Variants in ABCA6 observed in about 807,000 individuals in gnomAD.
ABCA6 encodes the protein ATP-binding cassette sub-family A member 6.
In ABCA6, 164 loss-of-function variants were observed where a neutral mutation model predicts 191.2. That is an observed-to-expected ratio of 0.86 (90% confidence interval 0.76 to 0.98). The LOEUF is 0.98. Among genes scored for constraint, ABCA6 ranks in the 50% least tolerant of loss-of-function variants. The probability of loss-of-function intolerance (pLI) is 0.00; values close to 1 mark genes in which losing one functional copy is unlikely to be tolerated. For missense variants in ABCA6, 1,958 were observed against 1,894.1 expected (o/e 1.03, Z -0.63); for synonymous variants, 636 against 647.7 (o/e 0.98, Z 0.27).
chr17:69,106,170 T>C lies in ABCA6; in HGVS notation c.2431A>G (p.Asn811Asp), dbSNP rs1228028330. The change falls in exon 19 of 39, where the codon AAT (asparagine) becomes GAT (aspartate). Residue 811 changes from asparagine (N) to aspartate (D), a missense_variant. Coordinates refer to ENST00000284425, the MANE Select transcript of ABCA6 (RefSeq NM_080284.3). The part of the protein sequence containing the change: ...VEMIRDSESL[N>D]EMELAHSSFS... ...GAAGAGTGAGCCAGCTCCATTTCATTGAGGCTTTCTGAGTCTCTTATCATC... is the reference window on the plus strand; with the variant it reads ...GAAGAGTGAGCCAGCTCCATTTCATCGAGGCTTTCTGAGTCTCTTATCATC... 1 of 1,613,552 alleles carries C rather than the reference T, an allele frequency of 6.2e-7. No homozygotes were observed. Among genetic ancestry groups the C allele is most frequent in the South Asian group, 1.1e-5 (1 of 90,958 alleles).
chr17:69,113,716 A>T lies in ABCA6; in HGVS notation c.1804T>A (p.Leu602Met). Residue 602 changes from leucine to methionine, a missense_variant, in exon 14 of 39, where the codon TTG becomes ATG. Transcript: ENST00000284425. Reference protein sequence around the residue: ...EQEVQRILLELDMQNIQDNLA... With the variant: ...EQEVQRILLEMDMQNIQDNLA... ...TTATCTTGAATGTTTTGCATGTCCA[A>T]TTCCAATAATATTCGTTGTACCTAT... is the stretch of plus-strand genomic sequence containing the variant. 6 of 1,612,398 alleles carry T rather than the reference A, an allele frequency of 3.7e-6. No homozygotes were observed. The highest frequency in any genetic ancestry group is 5.1e-6 in the Non-Finnish European group (6 of 1,178,986).
rs755237130 is a variant in ABCA6 at position 69,087,871 on chromosome 17, C to T, written c.3698+296G>A. 4.6e-5 allele frequency among the ~76,000 whole-genome samples: 7 copies of T among 152,282 alleles called. No individual in the cohort carries two copies. In the South Asian group the frequency reaches 6.2e-4, roughly 14 times the overall value. ...AAAACACTCAACTATGTTGCTAAAT[C>T]GATTCCTTCCCATCTTTTCTTTTCA... On this transcript the variant is annotated intron_variant, in intron 28 of 38. Coordinates refer to ENST00000284425, the MANE Select transcript of ABCA6 (RefSeq NM_080284.3).
intron 2 of ABCA6, among the ~76,000 whole-genome samples, chr17:69,139,331 A>C (rs2073994362): frequency 6.6e-6 from 1 of 152,194 alleles, no homozygotes; most frequent in South Asian, 2.1e-4. Context: ...ATGCAGCCAA[A>C]AGACACATGA....
At position 69,133,325 on chromosome 17, in the gene ABCA6, C is replaced by T. The variant is rs766094550; in HGVS notation, c.791+316G>A. 1.2e-4 allele frequency among the ~76,000 whole-genome samples: 19 copies of T among 152,292 alleles called. No homozygotes were observed. In the East Asian group the frequency reaches 1.7e-3, roughly 14 times the overall value. On this transcript the variant is annotated intron_variant, in intron 6 of 38. Coordinates refer to ENST00000284425, the MANE Select transcript of ABCA6 (RefSeq NM_080284.3). ...GGCACCTGGGTTAGAGTCTCAGCTC[C>T]GGCACTCACCCTCCATCTCACATTG...
At chr17:69,128,230 A>G (rs905118377) in intron 8 of ABCA6, among the ~76,000 whole-genome samples, 2 of 152,120 alleles carry the variant, frequency 1.3e-5, no homozygotes, top group Non-Finnish European at 2.9e-5. Context: ...CTGTTAAACT[A>G]TACTTGTGTT....
At chr17:69,122,476 G>A (rs8081118) in intron 10 of ABCA6, among the ~76,000 whole-genome samples, 30,124 of 151,888 alleles carry the variant, frequency 0.2, 5,895 homozygotes, top group African/African-American at 0.5. Flanking sequence ...GATATACCAA[G>A]TCTCATAACA....
At chr17:69,089,812 T>C (rs1045327273) in intron 26 of ABCA6, among the ~76,000 whole-genome samples, 29 of 152,072 alleles carry the variant, frequency 1.9e-4, no homozygotes, top group Admixed American at 1.4e-3. Flanking sequence ...AAAGCATATG[T>C]TATTACTGAA....
intron 7 of ABCA6, among the ~76,000 whole-genome samples, 171 bp from the exon 8 acceptor site, chr17:69,128,975 A>G (rs1200036900): frequency 6.6e-6 from 1 of 152,144 alleles, no homozygotes; most frequent in Non-Finnish European, 1.5e-5. Flanking sequence ...ACTTCTCTTG[A>G]AAAAGGATCC....
Position 69,096,767 on chromosome 17 carries a change from A to T in ABCA6, c.3155T>A (p.Leu1052His). 1.3e-6 allele frequency: 2 copies of T among 1,553,106 alleles called. No individual in the cohort carries two copies. Among genetic ancestry groups the T allele is most frequent in the South Asian group, 2.6e-5 (2 of 77,920 alleles). Residue 1052 changes from leucine (L) to histidine (H), a missense_variant, in exon 24 of 39, where the codon CTC becomes CAC. By Grantham distance (99) the Leu-to-His change is moderately conservative. Coordinates refer to ENST00000284425, the MANE Select transcript of ABCA6 (RefSeq NM_080284.3). Reference sequence around the variant, plus strand: ...CCCACACCAGTAAGCAGAAGTGTAGAGGCCTGAAATCCATAGCTGGGACTT... The same window carrying T: ...CCCACACCAGTAAGCAGAAGTGTAGTGGCCTGAAATCCATAGCTGGGACTT... Reference protein sequence around the residue: ...NAKSQLWISGLYTSAYWCGQA... With the variant: ...NAKSQLWISGHYTSAYWCGQA...
chr17:69,134,410 G>A (rs548746926), intron 5 of ABCA6, among the ~76,000 whole-genome samples: 4 of 152,170 alleles, frequency 2.6e-5, no homozygotes, highest in East Asian at 1.9e-4. Context: ...ACACTTAGAC[G>A]GTGCTATCTA....
rs1338230899 is a variant in ABCA6 at position 69,128,718 on chromosome 17, TC to T, written c.1019del (p.Gly340AspfsTer20). On this transcript the variant is annotated frameshift_variant, in exon 8 of 39. Coordinates refer to ENST00000284425, the MANE Select transcript of ABCA6 (RefSeq NM_080284.3). LOFTEE classifies it high-confidence loss of function. ...CATAAAATACAGTGAATCCCAGACA[TC>T]CCCAAAAGAGGGTAAGGAGAAACAC... ...LVVFLLTLFW[G>X]CLGFTVFYEQ... The T allele has an allele frequency of 1.2e-6, 2 of 1,612,732 alleles. No individual in the cohort carries two copies. Among genetic ancestry groups the T allele is most frequent in the Admixed American group, 3.3e-5 (2 of 59,898 alleles).
chr17:69,123,914 A>C (rs1907679457), intron 9 of ABCA6, among the ~76,000 whole-genome samples: 1 of 152,100 alleles, frequency 6.6e-6, no homozygotes, highest in South Asian at 2.1e-4. Context: ...ATATTTATTA[A>C]ATTTTTTTAA....
At chr17:69,113,453 T>C (rs2073472216) in intron 14 of ABCA6, 93 bp from the exon 15 acceptor site, 1 of 1,516,704 alleles carries the variant, frequency 6.6e-7, no homozygotes, top group Non-Finnish European at 8.9e-7. Flanking sequence ...CATAAAATAA[T>C]AACCATCCAG....
At chr17:69,097,854 C>CTAT (rs1305862977) in intron 23 of ABCA6, 66 bp downstream of exon 23, 8 of 1,085,580 alleles carry the variant, frequency 7.4e-6, no homozygotes, top group African/African-American at 1.6e-5. Context: ...ACATTTTGAA[C>CTAT]ACATAGCATT....
At chr17:69,093,539 T>C (rs974547751) in intron 25 of ABCA6, among the ~76,000 whole-genome samples, 1 of 152,220 alleles carries the variant, frequency 6.6e-6, no homozygotes, top group African/African-American at 2.4e-5. Context: ...TTCTCACTTC[T>C]GCAAACCTGC....
chr17:69,112,260 G>T lies in ABCA6; in HGVS notation c.2055C>A (p.Ile685=). ...EADILADRKV[I]MSNGRLKCAG... ...CACACTTCAGTCTCCCATTGGACAT[G>T]ATCACTTTTCTATCTGAATGAAAGA... The change falls in exon 16 of 39, where the codon ATC becomes ATA. Residue 685 remains isoleucine, a synonymous_variant. Transcript: ENST00000284425. The T allele has an allele frequency of 6.2e-7, 1 of 1,611,394 alleles. No individual in the cohort carries two copies. Among genetic ancestry groups the T allele is most frequent in the South Asian group, 1.1e-5 (1 of 90,942 alleles).
At chr17:69,119,649 G>A (rs1598044556) in intron 10 of ABCA6, among the ~76,000 whole-genome samples, 1 of 152,014 alleles carries the variant, frequency 6.6e-6, no homozygotes, top group East Asian at 1.9e-4. Flanking sequence ...CATGTTTTAT[G>A]TGTCAGGATC....
At position 69,141,332 on chromosome 17, in the gene ABCA6, C is replaced by T. The variant is rs1297533295; in HGVS notation, c.-46+413G>A. Among the ~76,000 whole-genome samples the T allele has an allele frequency of 3.9e-5, 6 of 152,124 alleles. No individual in the cohort carries two copies. The East Asian group carries it at 9.7e-4, about 24-fold the overall frequency. On this transcript the variant is annotated intron_variant, in intron 1 of 38. Transcript: ENST00000284425. ...AGATACAGGAAGAATAAAGCAATTT[C>T]TCTCAATTTTCTGAATTCAGAAGTC...
chr17:69,084,013 G>A (rs989540982), intron 34 of ABCA6, among the ~76,000 whole-genome samples: 1 of 152,144 alleles, frequency 6.6e-6, no homozygotes, highest in Non-Finnish European at 1.5e-5. Flanking sequence ...AAATATTTTT[G>A]TATTTTAACA....
Sources: gnomAD v4.1 joint callset for allele counts (sites outside exome capture counted in the v4.1 genomes callset) on GRCh38, gnomAD v4.1.1 for gene constraint, MANE v1.5 for transcripts, NCBI Gene and HGNC (gene_info 2026-07-23, HGNC 2026-07-21) for gene names.